Variants in EYS observed in about 807,000 individuals in gnomAD.
EYS encodes EGF-like photoreceptor maintenance factor.
EYS carries 250 observed loss-of-function variants against 282.1 expected under a neutral mutation model. That is an observed-to-expected ratio of 0.89 (90% CI 0.80 to 0.98). The LOEUF (loss-of-function observed/expected upper bound fraction) is 0.98, where lower values mean the gene tolerates loss of function less well. EYS is among the 50% of genes least tolerant of loss of function. The pLI is 0.00. For missense variants in EYS, 4,016 were observed against 3,709.0 expected (o/e 1.08, Z -2.15); for synonymous variants, 1,355 against 1,282.9 (o/e 1.06, Z -1.20).
At chr6:65,061,040 C>A (rs1773560747) in intron 12 of EYS, among the ~76,000 whole-genome samples, 1 of 151,618 alleles carries the variant, frequency 6.6e-6, no homozygotes, top group Admixed American at 6.6e-5. Context: ...AATAAAATTC[C>A]AAATGATGTA....
intron 28 of EYS, among the ~76,000 whole-genome samples, chr6:64,423,451 T>A (rs1416351): frequency 5.9e-5 from 9 of 152,050 alleles, no homozygotes; most frequent in African/African-American, 2.2e-4. Flanking sequence ...TTCTAATTAC[T>A]GACAGACATG....
intron 40 of EYS, among the ~76,000 whole-genome samples, chr6:63,776,245 A>G (rs1770061532): frequency 6.6e-6 from 1 of 152,204 alleles, no homozygotes; most frequent in South Asian, 2.1e-4. Flanking sequence ...TTATTTTTTA[A>G]AATTAAGATG....
chr6:64,592,835 C>G (rs12661208), intron 25 of EYS, among the ~76,000 whole-genome samples: 15,333 of 151,984 alleles, frequency 0.1, 922 homozygotes, highest in East Asian at 0.17. Flanking sequence ...CCTTTTAAAA[C>G]AAAATGTGCT....
chr6:65,043,421 G>A lies in EYS; in HGVS notation c.2137+14193C>T, dbSNP rs138212040. Among the ~76,000 whole-genome samples the A allele has an allele frequency of 5.2e-3, 792 of 151,442 alleles. 12 individuals carry two copies. In the South Asian group the frequency reaches 0.057, roughly 11 times the overall value. ...ATAGTACAAATGAACTCTAAATGGA[G>A]TATGTTAATGGTAATCTAAAGTACT... On this transcript the variant is annotated intron_variant, in intron 13 of 42. Transcript: ENST00000503581.
At chr6:65,140,387 C>T (rs554756456) in intron 12 of EYS, among the ~76,000 whole-genome samples, 37 of 151,664 alleles carry the variant, frequency 2.4e-4, no homozygotes, top group Non-Finnish European at 3.8e-4. Flanking sequence ...ACCTGTGGGA[C>T]TATAACAACA....
At chr6:64,471,040 A>G (rs1366487538) in intron 26 of EYS, among the ~76,000 whole-genome samples, 2 of 152,190 alleles carry the variant, frequency 1.3e-5, no homozygotes, top group East Asian at 3.9e-4. Context: ...CTATTGTCAT[A>G]CTGTCAAAAG....
chr6:64,178,852 C>T (rs1057181313), intron 31 of EYS, among the ~76,000 whole-genome samples: 2 of 152,006 alleles, frequency 1.3e-5, no homozygotes, highest in Admixed American at 6.6e-5. Flanking sequence ...TACCAGGAGA[C>T]CTAAATTTAT....
chr6:65,650,433 G>C (rs1767614630), intron 1 of EYS, among the ~76,000 whole-genome samples: 1 of 152,090 alleles, frequency 6.6e-6, no homozygotes, highest in Non-Finnish European at 1.5e-5. Flanking sequence ...TAACACAGTA[G>C]CCATATATTT....
intron 32 of EYS, among the ~76,000 whole-genome samples, chr6:64,071,479 C>T (rs1582227802): frequency 6.6e-6 from 1 of 151,446 alleles, no homozygotes; most frequent in East Asian, 2.0e-4. Flanking sequence ...TGAATTGTTT[C>T]TTGAACTTGT....
chr6:63,772,137 A>T (rs936466715), intron 40 of EYS, among the ~76,000 whole-genome samples: 2 of 151,784 alleles, frequency 1.3e-5, no homozygotes, highest in African/African-American at 2.4e-5. Flanking sequence ...TAGCAGATAT[A>T]GCTGGGAAAT....
chr6:64,901,294 G>GTATATGTATA (rs1554216264), intron 18 of EYS, among the ~76,000 whole-genome samples: 1 of 127,720 alleles, frequency 7.8e-6, no homozygotes, highest in Non-Finnish European at 1.6e-5. Context: ...ATGTAGTTGA[G>GTATATGTATA]TATATATATA....
intron 15 of EYS, among the ~76,000 whole-genome samples, chr6:64,920,017 G>A (rs1768286670): frequency 6.6e-6 from 1 of 151,798 alleles, no homozygotes; most frequent in Non-Finnish European, 1.5e-5. Flanking sequence ...TCTGGGACTA[G>A]AACAGCAAAG....
intron 28 of EYS, among the ~76,000 whole-genome samples, chr6:64,429,415 G>C (rs962950767): frequency 2.0e-5 from 3 of 152,194 alleles, no homozygotes; most frequent in African/African-American, 7.2e-5. Flanking sequence ...TGGATCAGTT[G>C]AGGTCAGGAG....
intron 31 of EYS, among the ~76,000 whole-genome samples, chr6:64,113,283 G>A (rs1354266006): frequency 1.3e-5 from 2 of 152,082 alleles, no homozygotes; most frequent in Non-Finnish European, 2.9e-5. Flanking sequence ...TTTAATCACT[G>A]CAGTACTATA....
chr6:65,543,318 A>C (rs774367399), intron 2 of EYS, among the ~76,000 whole-genome samples: 11 of 150,872 alleles, frequency 7.3e-5, no homozygotes, highest in Non-Finnish European at 8.9e-5. Context: ...GTTTTTTTAC[A>C]TTATTTTACA....
At chr6:65,358,909 A>G (rs1764595424) in intron 8 of EYS, among the ~76,000 whole-genome samples, 1 of 152,052 alleles carries the variant, frequency 6.6e-6, no homozygotes, top group African/African-American at 2.4e-5. Flanking sequence ...CTCGATGTAT[A>G]AAAACTGAAA....
At chr6:64,355,320 G>A (rs1019831551) in intron 29 of EYS, among the ~76,000 whole-genome samples, 2 of 151,452 alleles carry the variant, frequency 1.3e-5, no homozygotes, top group Non-Finnish European at 3.0e-5. Flanking sequence ...TGGCTTCCAG[G>A]TCCCTTAGTT....
intron 31 of EYS, among the ~76,000 whole-genome samples, chr6:64,086,108 T>C (rs1772149558): frequency 6.6e-6 from 1 of 152,224 alleles, no homozygotes; most frequent in Non-Finnish European, 1.5e-5. Context: ...TTGAGTCCTC[T>C]AATCATTTCT....
intron 33 of EYS, among the ~76,000 whole-genome samples, chr6:64,020,432 A>G (rs557467136): frequency 2.6e-5 from 4 of 152,260 alleles, no homozygotes; most frequent in Middle Eastern, 3.4e-3. Flanking sequence ...TTACTTAACT[A>G]AAAAAACACC....
Sources: gnomAD v4.1 joint callset for allele counts (sites outside exome capture counted in the v4.1 genomes callset) on GRCh38, gnomAD v4.1.1 for gene constraint, MANE v1.5 for transcripts, NCBI Gene and HGNC (gene_info 2026-07-23, HGNC 2026-07-21) for gene names.